The following NCKAP5 variants were observed in gnomAD, a reference collection of about 807,000 sequenced individuals.
NCKAP5 encodes NCK associated protein 5.
A neutral mutation model predicts 167.0 loss-of-function variants in NCKAP5; 92 were observed. The ratio of observed to expected loss-of-function variants is 0.55; its 90% confidence interval spans 0.47 to 0.66. The LOEUF (loss-of-function observed/expected upper bound fraction) is 0.66, where lower values mean the gene tolerates loss of function less well. Ranked by LOEUF, NCKAP5 falls within the 30% of genes least tolerant of loss-of-function variation. The pLI is 0.00. For missense variants in NCKAP5, 2,378 were observed against 2,315.0 expected, an observed-to-expected ratio of 1.03 and a Z score of -0.56; for synonymous variants, 891 against 877.4, an observed-to-expected ratio of 1.02 and a Z score of -0.27.
chr2:133,593,083 AAAAC>A, the NCKAP5 span, among the ~76,000 whole-genome samples: 1 of 152,232 alleles, frequency 6.6e-6, no homozygotes, highest in South Asian at 2.1e-4. Flanking sequence ...CAGTGTTTAT[AAAAC>A]AAACAGTCAC....
intron 2 of NCKAP5, among the ~76,000 whole-genome samples, chr2:133,532,385 CAT>C (rs1343643709): frequency 5.3e-5 from 8 of 152,172 alleles, no homozygotes; most frequent in Admixed American, 1.3e-4. Context: ...AGGTTGTGCA[CAT>C]GTTTGAGTGA....
chr2:132,828,741 C>T lies in NCKAP5; in HGVS notation c.807+31751G>A, dbSNP rs143027825. Among the ~76,000 whole-genome samples, 212 of 152,324 alleles carry T rather than the reference C, an allele frequency of 1.4e-3. 1 individual carries two copies. The highest frequency in any genetic ancestry group is 4.8e-3 in the African/African-American group (201 of 41,562). ...TCACTTCAGAGTGCGTGTGCTTGGT[C>T]TAATCCCAGAAGGCAATTATCTCTC... On this transcript the variant is annotated intron_variant, in intron 11 of 19. Transcript: ENST00000409261.
At chr2:133,565,345 A>T (rs899012874) in intron 1 of NCKAP5, among the ~76,000 whole-genome samples, 1 of 152,264 alleles carries the variant, frequency 6.6e-6, no homozygotes, top group African/African-American at 2.4e-5. Flanking sequence ...GCTAATACTC[A>T]TTAGCACTTA....
chr2:133,401,162 C>A (rs1172117605), intron 3 of NCKAP5, among the ~76,000 whole-genome samples: 1 of 152,146 alleles, frequency 6.6e-6, no homozygotes. Context: ...CACAAAAAAT[C>A]CTAAACGAAA....
At chr2:133,052,550 T>C (rs1030513371) in intron 6 of NCKAP5, among the ~76,000 whole-genome samples, 4 of 152,074 alleles carry the variant, frequency 2.6e-5, no homozygotes, top group African/African-American at 9.7e-5. Context: ...AAAACTCATC[T>C]CTACTAAAAG....
intron 3 of NCKAP5, among the ~76,000 whole-genome samples, chr2:133,482,342 C>T (rs750766062): frequency 2.0e-5 from 3 of 151,970 alleles, no homozygotes; most frequent in Non-Finnish European, 2.9e-5. Flanking sequence ...CTCAGCTTCC[C>T]GAGTAACTGG....
intron 3 of NCKAP5, among the ~76,000 whole-genome samples, chr2:133,508,740 G>C (rs1683237319): frequency 6.6e-6 from 1 of 152,204 alleles, no homozygotes; most frequent in Admixed American, 6.5e-5. Flanking sequence ...AGTTGCCATG[G>C]AAACTTGTAT....
At chr2:133,191,234 C>T (rs572232910) in intron 5 of NCKAP5, among the ~76,000 whole-genome samples, 3 of 152,284 alleles carry the variant, frequency 2.0e-5, no homozygotes, top group African/African-American at 7.2e-5. Flanking sequence ...AACTATCTCA[C>T]ACCAGTTAGA....
At chr2:133,593,161 C>A in the NCKAP5 span, among the ~76,000 whole-genome samples, 2 of 152,114 alleles carry the variant, frequency 1.3e-5, no homozygotes, top group African/African-American at 4.8e-5. Context: ...CAAGAGGAAC[C>A]CAGAACTACT....
chr2:132,737,165 A>G (rs1691605301), intron 16 of NCKAP5, among the ~76,000 whole-genome samples: 1 of 152,190 alleles, frequency 6.6e-6, no homozygotes, highest in Non-Finnish European at 1.5e-5. Flanking sequence ...TCCCCAGGAC[A>G]ACTGGTCAAC....
intron 3 of NCKAP5, among the ~76,000 whole-genome samples, chr2:133,353,957 C>T (rs1297288906): frequency 6.6e-6 from 1 of 152,206 alleles, no homozygotes; most frequent in East Asian, 1.9e-4. Flanking sequence ...GTCACACTGG[C>T]CCTCTATCCC....
chr2:133,465,052 C>T (rs1692463946), intron 3 of NCKAP5, among the ~76,000 whole-genome samples: 1 of 151,248 alleles, frequency 6.6e-6, no homozygotes, highest in Non-Finnish European at 1.5e-5. Context: ...TACATGTGCA[C>T]ATTGTGCAGG....
intron 5 of NCKAP5, among the ~76,000 whole-genome samples, chr2:133,197,066 A>C (rs2085468178): frequency 6.6e-6 from 1 of 152,212 alleles, no homozygotes; most frequent in African/African-American, 2.4e-5. Flanking sequence ...AAGTGGGCAG[A>C]AGAGAAGAAA....
chr2:132,918,425 G>T (rs1574625044), intron 8 of NCKAP5, among the ~76,000 whole-genome samples: 1 of 152,246 alleles, frequency 6.6e-6, no homozygotes, highest in African/African-American at 2.4e-5. Context: ...TGCTAGAAAA[G>T]AAATTAAAAG....
chr2:133,327,287 C>T (rs1329511902), intron 3 of NCKAP5, among the ~76,000 whole-genome samples: 1 of 152,192 alleles, frequency 6.6e-6, no homozygotes, highest in Non-Finnish European at 1.5e-5. Context: ...TTTCTTTTTC[C>T]CTTTTGTTCC....
chr2:133,281,803 G>T (rs1324619261), intron 4 of NCKAP5, among the ~76,000 whole-genome samples: 3 of 152,126 alleles, frequency 2.0e-5, no homozygotes, highest in Non-Finnish European at 2.9e-5. Flanking sequence ...TTTTGGTGGG[G>T]ACTCTGCTCA....
intron 3 of NCKAP5, among the ~76,000 whole-genome samples, chr2:133,513,375 C>A (rs935979747): frequency 1.3e-5 from 2 of 152,206 alleles, no homozygotes; most frequent in Admixed American, 1.3e-4. Context: ...ACACCTCGAC[C>A]TCTGATCTCC....
At chr2:133,636,915 T>G in the NCKAP5 span, among the ~76,000 whole-genome samples, 1 of 152,004 alleles carries the variant, frequency 6.6e-6, no homozygotes, top group African/African-American at 2.4e-5. Context: ...AGGAAGACAG[T>G]ATGAAAATTT....
chr2:133,532,765 C>T (rs759619833), intron 2 of NCKAP5, among the ~76,000 whole-genome samples: 1 of 152,136 alleles, frequency 6.6e-6, no homozygotes, highest in Non-Finnish European at 1.5e-5. Context: ...ACCCCCTTCA[C>T]TATGAAATTT....
Sources: gnomAD v4.1 joint callset for allele counts (sites outside exome capture counted in the v4.1 genomes callset) on GRCh38, gnomAD v4.1.1 for gene constraint, MANE v1.5 for transcripts, NCBI Gene and HGNC (gene_info 2026-07-23, HGNC 2026-07-21) for gene names.